ARMC9: variants seen among roughly 807,000 people sequenced by gnomAD.
ARMC9 encodes armadillo repeat containing 9, also known as lisH domain-containing protein ARMC9.
Under a neutral mutation model 107.0 loss-of-function variants are expected in ARMC9, and 94 were observed. That is an observed-to-expected ratio of 0.88 (90% CI 0.74 to 1.04). The LOEUF is 1.04. Ranked by LOEUF, ARMC9 falls within the 50% of genes least tolerant of loss-of-function variation. The pLI is 0.00. For missense variants in ARMC9, 942 were observed against 1,030.1 expected (o/e 0.91, Z 1.17); for synonymous variants, 380 against 396.9 (o/e 0.96, Z 0.51).
rs1021830112 is a variant in ARMC9 at position 231,358,486 on chromosome 2, G to A, written c.2132-2268G>A. Among the ~76,000 whole-genome samples, 1 of 152,130 alleles carries A rather than the reference G, an allele frequency of 6.6e-6. No homozygotes were observed. The highest frequency in any genetic ancestry group is 2.1e-4 in the South Asian group (1 of 4,818). On this transcript the variant is annotated intron_variant, in intron 22 of 24. Transcript: ENST00000611582. This position sits in a 1 kb window ranked among gnomAD's most constrained non-coding sequence, Gnocchi z 4.5. ...CAAAGTGCTGGGATTACAGGCATGG[G>A]GCCCCCTCCACTTCCCTTCTCTCAC...
At chr2:231,366,153 A>G (rs556417525) in intron 23 of ARMC9, among the ~76,000 whole-genome samples, 46 of 152,264 alleles carry the variant, frequency 3.0e-4, no homozygotes, top group African/African-American at 1.1e-3. Flanking sequence ...GAGTCAGGGG[A>G]GAGTTGCCGT....
At chr2:231,261,914 C>G (rs988408264) in intron 11 of ARMC9, among the ~76,000 whole-genome samples, 16 of 152,052 alleles carry the variant, frequency 1.1e-4, no homozygotes, top group Admixed American at 2.6e-4. Context: ...CCTCCGACTC[C>G]TGGGTTCACG....
At position 231,272,880 on chromosome 2, in the gene ARMC9, G is replaced by A. The variant is rs146324405; in HGVS notation, c.1211-75G>A. 1,129 of 1,531,570 alleles carry A rather than the reference G, an allele frequency of 7.4e-4. 7 individuals are homozygous for A. In the African/African-American group the frequency reaches 0.013, roughly 17 times the overall value. 94.9% of individuals were successfully genotyped at this position (1,531,570 alleles called of 1,614,324 possible). On this transcript the variant is annotated intron_variant, in intron 13 of 24. Transcript: ENST00000611582. ...TGTGTTATATGCAAAGTAAGTTTTC[G>A]TGGAAAGTGGTTTTGTAGCATACCA...
chr2:231,200,527 G>T (rs1233111428), intron 1 of ARMC9, among the ~76,000 whole-genome samples: 2 of 152,178 alleles, frequency 1.3e-5, no homozygotes, highest in Non-Finnish European at 2.9e-5. Flanking sequence ...ACAAAAATTA[G>T]CTGGGCGTTG....
intron 1 of ARMC9, among the ~76,000 whole-genome samples, chr2:231,203,394 C>A (rs912508574): frequency 2.0e-4 from 30 of 152,186 alleles, no homozygotes; most frequent in Non-Finnish European, 8.8e-5. Flanking sequence ...TGTGCCTCTT[C>A]TGCCTTTTCC....
chr2:231,211,122 A>G (rs932818797), intron 3 of ARMC9, among the ~76,000 whole-genome samples: 5 of 148,170 alleles, frequency 3.4e-5, no homozygotes, highest in Admixed American at 6.7e-5. Context: ...TCTGTGATAT[A>G]TATTCACAAA....
Position 231,298,841 on chromosome 2 carries a change from C to T in ARMC9, c.1773+2588C>T, listed in dbSNP as rs542982511. On this transcript the variant is annotated intron_variant, in intron 19 of 24. Coordinates refer to ENST00000611582, the MANE Select transcript of ARMC9 (RefSeq NM_001352754.2). ...CCCAGCTACTAGGGAAGCTGAGGCA[C>T]GAGAATCACCTGAACCTGGGAGGCG... is the stretch of plus-strand genomic sequence containing the variant. Among the ~76,000 whole-genome samples, 5 of 152,164 alleles carry T rather than the reference C, an allele frequency of 3.3e-5. No homozygotes were observed. The East Asian group carries it at 9.7e-4, about 29-fold the overall frequency.
chr2:231,208,595 C>G (rs1278206651), intron 3 of ARMC9, among the ~76,000 whole-genome samples: 1 of 152,212 alleles, frequency 6.6e-6, no homozygotes, highest in African/African-American at 2.4e-5. Context: ...CAAACAAAAT[C>G]CAGCCCCTTG....
intron 12 of ARMC9, among the ~76,000 whole-genome samples, chr2:231,267,177 G>T (rs1294714081): frequency 6.6e-6 from 1 of 152,176 alleles, no homozygotes; most frequent in Admixed American, 6.5e-5. Context: ...GAAACACAGA[G>T]CGTCTGGCGG....
intron 19 of ARMC9, among the ~76,000 whole-genome samples, chr2:231,299,111 A>G (rs1216275669): frequency 1.3e-5 from 2 of 152,178 alleles, no homozygotes; most frequent in Non-Finnish European, 1.5e-5. Flanking sequence ...TGTAATTTAT[A>G]ATGACTTGAT....
intron 1 of ARMC9, among the ~76,000 whole-genome samples, chr2:231,203,468 C>G (rs957185779): frequency 5.9e-5 from 9 of 152,298 alleles, no homozygotes; most frequent in Middle Eastern, 3.4e-3. Context: ...GCTGGCGTGG[C>G]CTGAGCAGTA....
At chr2:231,282,629 A>C (rs1204040903) in intron 17 of ARMC9, among the ~76,000 whole-genome samples, 1 of 152,254 alleles carries the variant, frequency 6.6e-6, no homozygotes, top group African/African-American at 2.4e-5. Flanking sequence ...AAACCAGATT[A>C]ACAGTGTATT....
Position 231,375,130 on chromosome 2 carries a change from G to A in ARMC9, c.*3595G>A, listed in dbSNP as rs888180189. Among the ~76,000 whole-genome samples, 1 of 152,216 alleles carries A rather than the reference G, an allele frequency of 6.6e-6. No homozygotes were observed. The highest frequency in any genetic ancestry group is 2.4e-5 in the African/African-American group (1 of 41,456). ...TTATAATGATTTGGATCAGTGATGG[G>A]GGCTGGGCACGGACAGGCGATTCTT... On this transcript the variant is annotated 3_prime_UTR_variant, in exon 25 of 25. Coordinates refer to ENST00000611582, the MANE Select transcript of ARMC9 (RefSeq NM_001352754.2). This position sits in a 1 kb window ranked among gnomAD's most constrained non-coding sequence, Gnocchi z 4.3.
intron 9 of ARMC9, chr2:231,256,271 T>C (rs900860477): frequency 1.3e-6 from 2 of 1,552,670 alleles, no homozygotes; most frequent in Admixed American, 3.9e-5. Context: ...GCTCACCCTT[T>C]TGGAGTCAGA....
rs1466930223 is a variant in ARMC9 at position 231,331,783 on chromosome 2, C to T, written c.1774-10C>T. 4 of 1,613,012 alleles carry T rather than the reference C, an allele frequency of 2.5e-6. No individual in the cohort carries two copies. The highest frequency in any genetic ancestry group is 1.3e-5 in the African/African-American group (1 of 75,038). ...TGTCCATGGCATTCACCCCATGTCT[C>T]CTGAAACAGGAGGACCATGACATCA... On this transcript the variant is annotated splice_polypyrimidine_tract_variant and intron_variant, in intron 19 of 24. Coordinates refer to ENST00000611582, the MANE Select transcript of ARMC9 (RefSeq NM_001352754.2).
intron 19 of ARMC9, among the ~76,000 whole-genome samples, chr2:231,309,992 A>C (rs974016848): frequency 1.3e-5 from 2 of 152,188 alleles, no homozygotes; most frequent in African/African-American, 4.8e-5. Flanking sequence ...AAAACATAGA[A>C]ATAGAAGCAA....
chr2:231,256,300 G>T (rs2125403684), intron 9 of ARMC9: 4 of 1,555,220 alleles, frequency 2.6e-6, no homozygotes, highest in South Asian at 2.4e-5. Context: ...CCCGGAGGTT[G>T]CGCTGAGCTT....
At chr2:231,203,414 C>CA (rs2031404127) in intron 1 of ARMC9, among the ~76,000 whole-genome samples, 1 of 152,342 alleles carries the variant, frequency 6.6e-6, no homozygotes, top group African/African-American at 2.4e-5. Context: ...CATCTGGACT[C>CA]ACAGCGCTCA....
At chr2:231,238,382 A>G (rs905840357) in intron 8 of ARMC9, among the ~76,000 whole-genome samples, 6 of 152,210 alleles carry the variant, frequency 3.9e-5, no homozygotes, top group Non-Finnish European at 7.3e-5. Flanking sequence ...ACAGGGTCTC[A>G]CTCTGTTGTC....
Sources: allele counts gnomAD v4.1 joint callset (sites outside exome capture counted in the v4.1 genomes callset), GRCh38; gene constraint gnomAD v4.1.1; non-coding constraint Gnocchi (gnomAD v3.1); transcripts MANE v1.5; gene names NCBI Gene and HGNC (gene_info 2026-07-23, HGNC 2026-07-21).